NR5A2: variants seen among roughly 807,000 people sequenced by gnomAD.
The protein encoded by NR5A2 is CYP7A promoter-binding factor.
A neutral mutation model predicts 62.7 loss-of-function variants in NR5A2; 26 were observed. The observed-to-expected ratio is 0.41, with a 90% CI of 0.30 to 0.58. The LOEUF (loss-of-function observed/expected upper bound fraction) is 0.58, where lower values mean the gene tolerates loss of function less well. Among genes scored for constraint, NR5A2 ranks in the 20% least tolerant of loss-of-function variants. NR5A2 has a pLI of 0.22. For synonymous variants in NR5A2, 246 were observed against 241.7 expected (o/e 1.02, Z -0.16); for missense variants, 541 against 669.1 (o/e 0.81, Z 2.11).
intron 5 of NR5A2, among the ~76,000 whole-genome samples, chr1:200,066,539 A>AGG (rs1286553474): frequency 1.3e-5 from 2 of 151,072 alleles, no homozygotes; most frequent in Non-Finnish European, 2.9e-5. Context: ...AAGATTTCTC[A>AGG]GGGGTGGGGA....
intron 5 of NR5A2, among the ~76,000 whole-genome samples, chr1:200,055,274 C>A (rs1419348682): frequency 6.6e-6 from 1 of 151,908 alleles, no homozygotes; most frequent in Non-Finnish European, 1.5e-5. Flanking sequence ...CAGCTCACTG[C>A]AACCTCCACC....
chr1:200,077,335 G>T (rs948803511), intron 5 of NR5A2, among the ~76,000 whole-genome samples: 1 of 152,272 alleles, frequency 6.6e-6, no homozygotes, highest in South Asian at 2.1e-4. Flanking sequence ...AGCAAATTCC[G>T]GAGTTTCAGT....
chr1:200,061,106 G>T (rs12726046), intron 5 of NR5A2, among the ~76,000 whole-genome samples: 3 of 116,640 alleles, frequency 2.6e-5, no homozygotes, highest in African/African-American at 1.0e-4. Flanking sequence ...GGCCAACAGA[G>T]CAAAACTCCG....
At chr1:200,169,302 T>A (rs1053352573) in intron 7 of NR5A2, among the ~76,000 whole-genome samples, 3 of 152,106 alleles carry the variant, frequency 2.0e-5, no homozygotes, top group Non-Finnish European at 2.9e-5. Context: ...GACTAAGGAA[T>A]TTTTTCCCAC....
At chr1:200,137,466 C>T (rs989882976) in intron 7 of NR5A2, among the ~76,000 whole-genome samples, 1 of 151,956 alleles carries the variant, frequency 6.6e-6, no homozygotes, top group Non-Finnish European at 1.5e-5. Context: ...ACACCTGGCC[C>T]AGATTTTACT....
At chr1:200,110,101 A>G (rs1279870596) in intron 5 of NR5A2, among the ~76,000 whole-genome samples, 4 of 152,134 alleles carry the variant, frequency 2.6e-5, no homozygotes, top group Non-Finnish European at 5.9e-5. Context: ...CCTCTCTGAC[A>G]CCCCTGTTTT....
intron 5 of NR5A2, among the ~76,000 whole-genome samples, chr1:200,109,725 C>T (rs116690038): frequency 0.017 from 2,560 of 152,238 alleles, 71 homozygotes; most frequent in African/African-American, 0.058. Context: ...TATAGAGCCT[C>T]TTGATATAAT....
intron 5 of NR5A2, among the ~76,000 whole-genome samples, chr1:200,057,192 G>A (rs1431801210): frequency 6.6e-6 from 1 of 152,172 alleles, no homozygotes; most frequent in Non-Finnish European, 1.5e-5. Context: ...ACAGACGTGA[G>A]CATTTTCCTT....
At chr1:200,108,741 G>A (rs1271362306) in intron 5 of NR5A2, among the ~76,000 whole-genome samples, 1 of 152,156 alleles carries the variant, frequency 6.6e-6, no homozygotes, top group Non-Finnish European at 1.5e-5. Flanking sequence ...TCTGAAATAA[G>A]ATGCTGATAG....
At chr1:200,094,472 A>G (rs1289481416) in intron 5 of NR5A2, among the ~76,000 whole-genome samples, 1 of 147,078 alleles carries the variant, frequency 6.8e-6, no homozygotes, top group Non-Finnish European at 1.5e-5. Context: ...GATGTGAGCC[A>G]CCACGCCCAG....
chr1:200,062,227 TTGTGTG>T (rs6143563), intron 5 of NR5A2, among the ~76,000 whole-genome samples: 1 of 145,756 alleles, frequency 6.9e-6, no homozygotes, highest in Non-Finnish European at 1.5e-5. Context: ...CTGGCAGATT[TTGTGTG>T]TGTGTGTGTG....
chr1:200,144,958 T>C (rs1320846602), intron 7 of NR5A2, among the ~76,000 whole-genome samples: 1 of 152,190 alleles, frequency 6.6e-6, no homozygotes, highest in African/African-American at 2.4e-5. Context: ...CTAGCACTCC[T>C]ACTGTTTAAA....
In NR5A2 at chr1:200,120,823, A is replaced by T. The variant is rs748764541; in HGVS notation, c.1246A>T (p.Ile416Leu). The change falls in exon 7 of 8, where the codon ATA becomes TTA. Residue 416 changes from isoleucine to leucine, a missense_variant. Physicochemically the swap from Ile to Leu is conservative, Grantham distance 5. Around this residue, in one of 3 missense-constraint regions of NR5A2, gnomAD observed 379 missense variants for 442.0 expected, o/e 0.86. Transcript: ENST00000367362. ...TGTATTGCAGGTGGACTATTCCATA[A>T]TAGCATCACAAGCCGGAGCCACCCT... Reference protein sequence around the residue: ...VTGQQVDYSIIASQAGATLNN... With the variant: ...VTGQQVDYSILASQAGATLNN... 1 of 1,565,776 alleles carries T rather than the reference A, an allele frequency of 6.4e-7. No individual in the cohort carries two copies. The highest frequency in any genetic ancestry group is 8.6e-7 in the Non-Finnish European group (1 of 1,160,314).
intron 5 of NR5A2, among the ~76,000 whole-genome samples, chr1:200,053,906 C>G (rs150776188): frequency 1.3e-5 from 2 of 152,310 alleles, no homozygotes; most frequent in African/African-American, 4.8e-5. Flanking sequence ...AGTTTACTCT[C>G]CAGGTGAATC....
chr1:200,176,074 G>C lies in NR5A2; in HGVS notation c.*1864G>C, dbSNP rs1654405892. 1 of 152,620 alleles carries C rather than the reference G, an allele frequency of 6.6e-6. No individual in the cohort carries two copies. Among genetic ancestry groups the C allele is most frequent in the Non-Finnish European group, 1.5e-5 (1 of 68,038 alleles). 9.5% of individuals were successfully genotyped at this position (152,620 alleles called of 1,614,324 possible). ...TGGAACTTAGTTCAGGGACATAGAAGAGTCTTAATGAATTAAAATCATTCA... is the reference window on the plus strand; with the variant it reads ...TGGAACTTAGTTCAGGGACATAGAACAGTCTTAATGAATTAAAATCATTCA... On this transcript the variant is annotated 3_prime_UTR_variant, in exon 8 of 8. Coordinates refer to ENST00000367362, the MANE Select transcript of NR5A2 (RefSeq NM_205860.3).
chr1:200,109,580 G>GA (rs1665843168), intron 5 of NR5A2, among the ~76,000 whole-genome samples: 1 of 152,142 alleles, frequency 6.6e-6, no homozygotes, highest in African/African-American at 2.4e-5. Context: ...ACTGTGTCCT[G>GA]AAATTGTGGA....
At chr1:200,118,119 C>T (rs1231168606) in intron 6 of NR5A2, among the ~76,000 whole-genome samples, 31 of 147,684 alleles carry the variant, frequency 2.1e-4, no homozygotes, top group Admixed American at 2.0e-3. Context: ...TGGGTTCAAG[C>T]GATTCTCCTG....
chr1:200,166,491 A>G (rs1046940899), intron 7 of NR5A2, among the ~76,000 whole-genome samples: 3 of 152,318 alleles, frequency 2.0e-5, no homozygotes, highest in East Asian at 3.9e-4. Flanking sequence ...TTTCATTCAA[A>G]TTATCTGAAA....
chr1:200,029,499 T>G, intron 1 of NR5A2: 1 of 153,126 alleles, frequency 6.5e-6, no homozygotes, highest in South Asian at 2.1e-4. Context: ...CGGTACACTC[T>G]GAGCGTAAAC....
Sources: gnomAD v4.1 joint callset for allele counts (sites outside exome capture counted in the v4.1 genomes callset) on GRCh38, gnomAD v4.1.1 for gene constraint, gnomAD v4.1.1 regional missense constraint, MANE v1.5 for transcripts, NCBI Gene and HGNC (gene_info 2026-07-23, HGNC 2026-07-21) for gene names.